The following FRMD5 variants were observed in gnomAD, a reference collection of about 807,000 sequenced individuals.
The protein encoded by FRMD5 is FERM domain containing 5, also known as FERM domain-containing protein 5.
In FRMD5, 20 loss-of-function variants were observed where a neutral mutation model predicts 69.0. That is an observed-to-expected ratio of 0.29 (90% CI 0.20 to 0.42). The LOEUF (loss-of-function observed/expected upper bound fraction) is 0.42. Among genes scored for constraint, FRMD5 ranks in the 10% least tolerant of loss-of-function variants. The pLI, the probability that FRMD5 is intolerant of heterozygous loss-of-function variation, is 1.00. For synonymous variants in FRMD5, 271 were observed against 260.1 expected, an observed-to-expected ratio of 1.04 and a Z score of -0.40; for missense variants, 595 against 708.6, an observed-to-expected ratio of 0.84 and a Z score of 1.82.
intron 1 of FRMD5, among the ~76,000 whole-genome samples, chr15:44,150,740 A>T (rs981407343): frequency 1.3e-5 from 2 of 151,528 alleles, no homozygotes; most frequent in Non-Finnish European, 2.9e-5. Flanking sequence ...GCAGTGAGCC[A>T]TGATCACACC....
chr15:43,944,522 C>G (rs558135387), intron 1 of FRMD5, among the ~76,000 whole-genome samples: 1 of 151,610 alleles, frequency 6.6e-6, no homozygotes, highest in Non-Finnish European at 1.5e-5. Flanking sequence ...CCCGAACTCC[C>G]GGGTTCAAGT....
intron 5 of FRMD5, among the ~76,000 whole-genome samples, chr15:43,908,451 A>G (rs939889595): frequency 7.9e-5 from 12 of 152,140 alleles, no homozygotes; most frequent in African/African-American, 2.7e-4. Context: ...TGAATTTTAC[A>G]TTCTTAACAC....
Position 43,873,482 on chromosome 15 carries a change from A to AGTTT in FRMD5, c.*399_*402dup. The AGTTT allele has an allele frequency of 1.3e-5, 19 of 1,422,004 alleles. No homozygotes were observed. Among genetic ancestry groups the AGTTT allele is most frequent in the Non-Finnish European group, 1.6e-5 (18 of 1,099,152 alleles). 88.1% of individuals were successfully genotyped at this position (1,422,004 alleles called of 1,614,324 possible). The stretch of plus-strand genomic sequence containing the variant: ...AGAATACAGAGGACAGCAGCTCTCT[A>AGTTT]GTTTTCAACTAGTGTCCCCTCTGCT... On this transcript the variant is annotated 3_prime_UTR_variant, in exon 14 of 14. Transcript: ENST00000417257.
chr15:43,943,340 A>G (rs1380702743), intron 1 of FRMD5, among the ~76,000 whole-genome samples: 2 of 152,146 alleles, frequency 1.3e-5, no homozygotes, highest in African/African-American at 2.4e-5. Context: ...TTGGTCTCCT[A>G]AAGTGTTGGG....
chr15:44,055,534 G>A (rs1285276351), intron 1 of FRMD5, among the ~76,000 whole-genome samples: 1 of 152,070 alleles, frequency 6.6e-6, no homozygotes, highest in African/African-American at 2.4e-5. Context: ...CACACTACAA[G>A]CTTTACTATG....
At chr15:44,119,268 T>G (rs753207986) in intron 1 of FRMD5, among the ~76,000 whole-genome samples, 17 of 152,114 alleles carry the variant, frequency 1.1e-4, no homozygotes, top group Non-Finnish European at 2.1e-4. Context: ...CCACTAATAT[T>G]TTTTAAATCA....
intron 1 of FRMD5, among the ~76,000 whole-genome samples, chr15:44,110,583 T>C (rs779411037): frequency 1.3e-5 from 2 of 152,364 alleles, no homozygotes; most frequent in Non-Finnish European, 2.9e-5. Context: ...TACAATCCTC[T>C]GGCAACTACT....
At chr15:44,058,853 G>A (rs1264852516) in intron 1 of FRMD5, among the ~76,000 whole-genome samples, 4 of 151,686 alleles carry the variant, frequency 2.6e-5, no homozygotes, top group Non-Finnish European at 4.4e-5. Flanking sequence ...AACTGGCTCA[G>A]AAGCAAAAAT....
chr15:44,168,961 C>A (rs750692208), intron 1 of FRMD5, among the ~76,000 whole-genome samples: 2 of 152,190 alleles, frequency 1.3e-5, no homozygotes. Context: ...ATTTCAAGAT[C>A]GCCTAGGCTA....
intron 1 of FRMD5, among the ~76,000 whole-genome samples, chr15:44,127,139 G>A (rs2140409920): frequency 6.6e-6 from 1 of 152,290 alleles, no homozygotes; most frequent in South Asian, 2.1e-4. Context: ...CTTGAGTGCA[G>A]TGGTGCAATA....
chr15:44,134,106 A>G (rs2077145616), intron 1 of FRMD5, among the ~76,000 whole-genome samples: 1 of 152,134 alleles, frequency 6.6e-6, no homozygotes, highest in African/African-American at 2.4e-5. Flanking sequence ...AAGACATGCA[A>G]AAGACTGGCA....
At chr15:44,165,220 A>T in intron 1 of FRMD5, among the ~76,000 whole-genome samples, 1 of 152,150 alleles carries the variant, frequency 6.6e-6, no homozygotes, top group East Asian at 1.9e-4. Context: ...GGAGTTCGAG[A>T]CCAGCCTGGC....
chr15:43,974,069 A>G (rs190845201), intron 1 of FRMD5, among the ~76,000 whole-genome samples: 1 of 150,564 alleles, frequency 6.6e-6, no homozygotes, highest in Admixed American at 6.6e-5. Flanking sequence ...TCTTGAAGTT[A>G]CTCTACTGGG....
At chr15:44,121,144 AG>A (rs1446081460) in intron 1 of FRMD5, among the ~76,000 whole-genome samples, 1 of 41,926 alleles carries the variant, frequency 2.4e-5, no homozygotes, top group Non-Finnish European at 1.5e-4. Context: ...GGAAAAGAGT[AG>A]TAATTATGTT....
chr15:43,990,158 G>T, intron 1 of FRMD5: 1 of 572,934 alleles, frequency 1.7e-6, no homozygotes, highest in Non-Finnish European at 3.3e-6. Context: ...CATTGTCGAC[G>T]ACAAGCATGG....
Position 43,883,790 on chromosome 15 carries a change from G to A in FRMD5, c.1048C>T (p.Arg350Trp), listed in dbSNP as rs568197987. 1.8e-5 allele frequency: 29 copies of A among 1,613,908 alleles called. No individual in the cohort carries two copies. Among genetic ancestry groups the A allele is most frequent in the African/African-American group, 5.3e-5 (4 of 75,028 alleles). ...EIHRAGMVPS[R>W]SCPSITHGPR... ...CCATGGGTTATGGAGGGACAGCTCCGGCTGGGAACCATCCCTGCTCTGAGG... is the reference window on the plus strand; with the variant it reads ...CCATGGGTTATGGAGGGACAGCTCCAGCTGGGAACCATCCCTGCTCTGAGG... The change falls in exon 13 of 14, where the codon CGG becomes TGG. Residue 350 changes from arginine to tryptophan, a missense_variant. Coordinates refer to ENST00000417257, the MANE Select transcript of FRMD5 (RefSeq NM_032892.5).
rs556741986 is a variant in FRMD5 at position 44,001,692 on chromosome 15, C to T, written c.103-77383G>A. 4.6e-5 allele frequency among the ~76,000 whole-genome samples: 7 copies of T among 151,910 alleles called. No individual in the cohort carries two copies. The East Asian group carries it at 5.8e-4, about 13-fold the overall frequency. On this transcript the variant is annotated intron_variant, in intron 1 of 13. Transcript: ENST00000417257. ...CATGAACACAGCTCACTGCAGCCTCCGCTTCCCACACTCAAGTGATCCTCC... is the reference window on the plus strand; with the variant it reads ...CATGAACACAGCTCACTGCAGCCTCTGCTTCCCACACTCAAGTGATCCTCC...
At chr15:44,082,298 C>T (rs1894029175) in intron 1 of FRMD5, among the ~76,000 whole-genome samples, 1 of 151,910 alleles carries the variant, frequency 6.6e-6, no homozygotes, top group Admixed American at 6.6e-5. Flanking sequence ...ACTGGCAAAA[C>T]CAAACTAATA....
intron 1 of FRMD5, among the ~76,000 whole-genome samples, chr15:44,060,342 C>A (rs541918573): frequency 2.0e-5 from 3 of 152,116 alleles, no homozygotes; most frequent in African/African-American, 7.2e-5. Flanking sequence ...GCGTGAAAAC[C>A]AAGGCAGTTC....
Sources: gnomAD v4.1 joint callset for allele counts (sites outside exome capture counted in the v4.1 genomes callset) on GRCh38, gnomAD v4.1.1 for gene constraint, MANE v1.5 for transcripts, NCBI Gene and HGNC (gene_info 2026-07-23, HGNC 2026-07-21) for gene names.